Variants in NTPCR observed in about 807,000 individuals in gnomAD.
The protein encoded by NTPCR is cancer-related nucleoside-triphosphatase.
Under a neutral mutation model 19.5 loss-of-function variants are expected in NTPCR, and 15 were observed. The ratio of observed to expected loss-of-function variants is 0.77; its 90% CI spans 0.51 to 1.18. NTPCR has a LOEUF of 1.18. NTPCR is among the 50% of genes most tolerant of loss of function. The pLI, the probability that NTPCR is intolerant of heterozygous loss-of-function variation, is 0.00. For synonymous variants in NTPCR, 90 were observed against 95.8 expected, an observed-to-expected ratio of 0.94 and a Z score of 0.36; for missense variants, 206 against 240.4, an observed-to-expected ratio of 0.86 and a Z score of 0.95.
At chr1:232,962,457 A>G (rs1053445551) in intron 3 of NTPCR, 1 of 152,132 alleles carries the variant, frequency 6.6e-6, no homozygotes, top group Non-Finnish European at 1.5e-5. Flanking sequence ...TCTGTTTTCT[A>G]ATGATCAAGG....
At position 232,956,333 on chromosome 1, in the gene NTPCR, G is replaced by A. The variant is rs1668511348; in HGVS notation, c.198-14G>A. 2 of 1,597,626 alleles carry A rather than the reference G, an allele frequency of 1.3e-6. No homozygotes were observed. The highest frequency in any genetic ancestry group is 8.6e-7 in the Non-Finnish European group (1 of 1,165,192). ...GGAGTTTTTCAACAAAGAACATAAT[G>A]TCTTTTCCTTCAGGTTAGAGCCTCC... On this transcript the variant is annotated splice_polypyrimidine_tract_variant and intron_variant, in intron 2 of 4. Coordinates refer to ENST00000366628, the MANE Select transcript of NTPCR (RefSeq NM_032324.3).
rs1455432578 is a variant in NTPCR at position 232,976,216 on chromosome 1, A to G, written c.505-1947A>G. ...ATGTTTCAGTGCATGTATACATTGT[A>G]TAATGATCAAATCAGGGTAATTTCC... On this transcript the variant is annotated intron_variant, in intron 4 of 4. Coordinates refer to ENST00000366628, the MANE Select transcript of NTPCR (RefSeq NM_032324.3). 7.6e-6 allele frequency: 9 copies of G among 1,182,558 alleles called. No individual in the cohort carries two copies. In the African/African-American group the frequency reaches 7.7e-5, roughly 10 times the overall value. 73.3% of individuals were successfully genotyped at this position (1,182,558 alleles called of 1,614,324 possible).
In NTPCR at chr1:232,979,039, A is replaced by C. The variant is rs1669221682; in HGVS notation, c.*808A>C. On this transcript the variant is annotated 3_prime_UTR_variant, in exon 5 of 5. Coordinates refer to ENST00000366628, the MANE Select transcript of NTPCR (RefSeq NM_032324.3). The surrounding 1 kb of genome is among the most constrained non-coding windows in gnomAD (Gnocchi z 5.3). The stretch of plus-strand genomic sequence containing the variant: ...AGAAGGAAACTGTCAACCACTCCAC[A>C]CAACTGTGGAGAGTGCCCAGTGCCA... 6.6e-6 allele frequency: 1 copy of C among 152,186 alleles called. No homozygotes were observed. 9.4% of individuals were successfully genotyped at this position (152,186 alleles called of 1,614,324 possible). A position where few individuals can be genotyped will look rare whatever the true frequency, so the allele number is the denominator to read the frequency against.
Position 232,978,473 on chromosome 1 carries a change from TC to T in NTPCR, c.*244del, listed in dbSNP as rs1227068070. On this transcript the variant is annotated 3_prime_UTR_variant, in exon 5 of 5. Coordinates refer to ENST00000366628, the MANE Select transcript of NTPCR (RefSeq NM_032324.3). ...TATGCTTAAAGATTTCTTGTTTATT[TC>T]CTCTTGCAGTCATGCACATGATTTG... 2 of 419,846 alleles carry T rather than the reference TC, an allele frequency of 4.8e-6. No homozygotes were observed. Among genetic ancestry groups the T allele is most frequent in the East Asian group, 8.2e-5 (2 of 24,336 alleles). 26.0% of individuals were successfully genotyped at this position (419,846 alleles called of 1,614,324 possible).
chr1:232,970,195 C>T (rs1457142124), intron 4 of NTPCR, 77 bp downstream of exon 4: 2 of 1,220,618 alleles, frequency 1.6e-6, no homozygotes, highest in Non-Finnish European at 2.4e-6. Context: ...TAAAATATCT[C>T]TTTGGTTTTG....
At chr1:232,951,340 C>T (rs1487817027) in intron 1 of NTPCR, among the ~76,000 whole-genome samples, 1 of 152,062 alleles carries the variant, frequency 6.6e-6, no homozygotes, top group Non-Finnish European at 1.5e-5. Context: ...GAGCCCTTCT[C>T]AGACACTCTT....
chr1:232,973,769 A>G (rs1276828009), intron 4 of NTPCR, among the ~76,000 whole-genome samples: 5 of 152,256 alleles, frequency 3.3e-5, no homozygotes, highest in Non-Finnish European at 4.4e-5. Context: ...GAACTATACA[A>G]TAGCCAATAA....
At chr1:232,976,917 T>C (rs1449028183) in intron 4 of NTPCR, 1 of 174,360 alleles carries the variant, frequency 5.7e-6, no homozygotes, top group Admixed American at 5.6e-5. Flanking sequence ...CTTGCCCACT[T>C]GTTGGCTGGG....
Position 232,954,498 on chromosome 1 carries a change from G to A in NTPCR, c.35-1059G>A, listed in dbSNP as rs560740401. On this transcript the variant is annotated intron_variant, in intron 1 of 4. Transcript: ENST00000366628. ...CTTTCCATTGTTGGGTAGTCATGATGCCACTTACTTAAATCCATATTGGGA... is the reference window on the plus strand; with the variant it reads ...CTTTCCATTGTTGGGTAGTCATGATACCACTTACTTAAATCCATATTGGGA... Among the ~76,000 whole-genome samples the A allele has an allele frequency of 2.0e-5, 3 of 152,282 alleles. No homozygotes were observed. In the South Asian group the frequency reaches 6.2e-4, roughly 32 times the overall value.
At position 232,981,547 on chromosome 1, in the gene NTPCR, T is replaced by G. The variant is rs1669279905; in HGVS notation, c.*3316T>G. On this transcript the variant is annotated 3_prime_UTR_variant, in exon 5 of 5. Coordinates refer to ENST00000366628, the MANE Select transcript of NTPCR (RefSeq NM_032324.3). ...ATTGCACATTTTGTGGGCAAAGAAG[T>G]TGAAGCATCGCATGATTTTAACAAA... 1 of 152,092 alleles carries G rather than the reference T, an allele frequency of 6.6e-6. No homozygotes were observed. Among genetic ancestry groups the G allele is most frequent in the Non-Finnish European group, 1.5e-5 (1 of 68,000 alleles). The allele number at this position is 152,092 out of a possible 1,614,324, so 9.4% of individuals were successfully genotyped here.
chr1:232,961,885 CTA>C (rs1272405463), intron 3 of NTPCR: 1 of 152,120 alleles, frequency 6.6e-6, no homozygotes, highest in Non-Finnish European at 1.5e-5. Context: ...TATATTAAAA[CTA>C]TGTGTGCTTG....
chr1:232,982,863 C>T lies in NTPCR; in HGVS notation c.*4632C>T, dbSNP rs1472458783. 6.6e-6 allele frequency: 1 copy of T among 152,162 alleles called. No homozygotes were observed. The highest frequency in any genetic ancestry group is 1.5e-5 in the Non-Finnish European group (1 of 68,032). 9.4% of individuals were successfully genotyped at this position (152,162 alleles called of 1,614,324 possible). A position where few individuals can be genotyped will look rare whatever the true frequency, so the allele number is the denominator to read the frequency against. On this transcript the variant is annotated 3_prime_UTR_variant, in exon 5 of 5. Transcript: ENST00000366628. ...CTTGGGGCTTGGCTGTAAAGTTGCC[C>T]AAGAGGATTACAGGAGCTGCCAGCC... is the stretch of plus-strand genomic sequence containing the variant.
chr1:232,954,427 T>C (rs921600936), intron 1 of NTPCR, among the ~76,000 whole-genome samples: 28 of 152,244 alleles, frequency 1.8e-4, no homozygotes, highest in African/African-American at 6.8e-4. Context: ...AACTCTGTAG[T>C]ATCTCAAAAT....
chr1:232,980,592 T>C lies in NTPCR; in HGVS notation c.*2361T>C, dbSNP rs1461634209. ...AAACAGAATGATCATGGAGCATGTATGGAGATGTCAGATGCAATCCCTGTA... is the reference window on the plus strand; with the variant it reads ...AAACAGAATGATCATGGAGCATGTACGGAGATGTCAGATGCAATCCCTGTA... On this transcript the variant is annotated 3_prime_UTR_variant, in exon 5 of 5. Coordinates refer to ENST00000366628, the MANE Select transcript of NTPCR (RefSeq NM_032324.3). 6.6e-6 allele frequency: 1 copy of C among 152,228 alleles called. No individual in the cohort carries two copies. The highest frequency in any genetic ancestry group is 2.4e-5 in the African/African-American group (1 of 41,446). The allele number at this position is 152,228 out of a possible 1,614,324, so 9.4% of individuals were successfully genotyped here.
At chr1:232,953,530 G>A (rs17452776) in intron 1 of NTPCR, among the ~76,000 whole-genome samples, 32,594 of 151,930 alleles carry the variant, frequency 0.21, 3,527 homozygotes, top group Non-Finnish European at 0.23. Flanking sequence ...AATAGTTACC[G>A]TTGCTCCATT....
intron 3 of NTPCR, among the ~76,000 whole-genome samples, 169 bp downstream of exon 3, chr1:232,956,612 G>C (rs954946679): frequency 6.6e-6 from 1 of 152,134 alleles, no homozygotes; most frequent in Admixed American, 6.5e-5. Flanking sequence ...CTATCACTCT[G>C]AGCTACAGAT....
chr1:232,952,849 G>C (rs932622496), intron 1 of NTPCR, among the ~76,000 whole-genome samples: 1 of 152,100 alleles, frequency 6.6e-6, no homozygotes, highest in African/African-American at 2.4e-5. Context: ...CTGGCACTTA[G>C]CATTTTTTCC....
At chr1:232,956,201 C>A in intron 2 of NTPCR, 146 bp from the exon 3 acceptor site, 1 of 642,940 alleles carries the variant, frequency 1.6e-6, no homozygotes, top group Non-Finnish European at 2.8e-6. Context: ...AAAACCTGAT[C>A]AGCTTTACAG....
chr1:232,963,464 T>C (rs913666450), intron 3 of NTPCR: 3 of 152,212 alleles, frequency 2.0e-5, no homozygotes, highest in Admixed American at 6.5e-5. Flanking sequence ...TGCATGCTCC[T>C]TAAGTCACAC....
Sources: allele counts gnomAD v4.1 joint callset (sites outside exome capture counted in the v4.1 genomes callset), GRCh38; gene constraint gnomAD v4.1.1; non-coding constraint Gnocchi (gnomAD v3.1); transcripts MANE v1.5; gene names NCBI Gene and HGNC (gene_info 2026-07-23, HGNC 2026-07-21).